RBFOX1: variants seen among roughly 807,000 people sequenced by gnomAD.
RBFOX1 encodes the protein RNA binding protein fox-1 homolog 1.
Under a neutral mutation model 57.7 loss-of-function variants are expected in RBFOX1, and 8 were observed. The ratio of observed to expected loss-of-function variants is 0.14; its 90% CI spans 0.08 to 0.25. The LOEUF (loss-of-function observed/expected upper bound fraction) is 0.25. Ranked by LOEUF, RBFOX1 falls within the 10% of genes least tolerant of loss-of-function variation. The pLI, the probability that RBFOX1 is intolerant of heterozygous loss-of-function variation, is 1.00. For missense variants in RBFOX1, 611 were observed against 548.5 expected, an observed-to-expected ratio of 1.11 and a Z score of -1.14; for synonymous variants, 326 against 222.4, an observed-to-expected ratio of 1.47 and a Z score of -4.15.
At position 6,345,460 on chromosome 16, in the gene RBFOX1, G is replaced by C. The variant is rs554526270; in HGVS notation, c.-64+28403G>C. Among the ~76,000 whole-genome samples the C allele has an allele frequency of 9.5e-4, 145 of 152,298 alleles. 1 individual carries two copies. The highest frequency in any genetic ancestry group is 3.3e-3 in the African/African-American group (138 of 41,564). On this transcript the variant is annotated intron_variant, in intron 2 of 15. Coordinates refer to ENST00000550418, the MANE Select transcript of RBFOX1 (RefSeq NM_018723.4). ...ATGGCAGTGGTAAACCGACATGGCA[G>C]GCTGGTGTGCATGTCTAATGGAAAG... is the stretch of plus-strand genomic sequence containing the variant.
intron 3 of RBFOX1, among the ~76,000 whole-genome samples, chr16:6,722,422 G>A (rs1203394931): frequency 6.6e-6 from 1 of 152,198 alleles, no homozygotes; most frequent in Non-Finnish European, 1.5e-5. Context: ...ATTATTTGCA[G>A]AGCAGCTGGA....
intron 1 of RBFOX1, among the ~76,000 whole-genome samples, chr16:6,236,799 C>T (rs75694242): frequency 0.18 from 28,070 of 151,842 alleles, 3,080 homozygotes; most frequent in African/African-American, 0.31. Flanking sequence ...TATGTCCACA[C>T]GTTTTAAAAA....
intron 1 of RBFOX1, among the ~76,000 whole-genome samples, chr16:6,174,235 C>A (rs546415585): frequency 6.6e-6 from 1 of 152,122 alleles, no homozygotes; most frequent in South Asian, 2.1e-4. Flanking sequence ...GAGGCAAGAT[C>A]AATACCTCAT....
intron 3 of RBFOX1, among the ~76,000 whole-genome samples, chr16:5,701,385 G>A (rs2051042614): frequency 6.6e-6 from 1 of 152,172 alleles, no homozygotes; most frequent in Non-Finnish European, 1.5e-5. Flanking sequence ...AATATATTGT[G>A]ATGCCTCAAG....
chr16:6,476,341 G>C (rs2095271603), intron 2 of RBFOX1, among the ~76,000 whole-genome samples: 1 of 152,060 alleles, frequency 6.6e-6, no homozygotes, highest in South Asian at 2.1e-4. Context: ...CTTAAAGCAA[G>C]ACCTATAGAT....
intron 1 of RBFOX1, among the ~76,000 whole-genome samples, chr16:5,436,949 G>C (rs1378767210): frequency 6.6e-6 from 1 of 152,160 alleles, no homozygotes. Context: ...CATAGAGAGA[G>C]GTTTCCTGTC....
chr16:7,366,115 T>G (rs1477311958), intron 4 of RBFOX1, among the ~76,000 whole-genome samples: 2 of 151,400 alleles, frequency 1.3e-5, no homozygotes, highest in African/African-American at 4.9e-5. Flanking sequence ...CTGGGTCATG[T>G]GGCACAGACA....
intron 2 of RBFOX1, among the ~76,000 whole-genome samples, chr16:6,623,361 A>C (rs995637841): frequency 5.9e-5 from 9 of 152,086 alleles, no homozygotes; most frequent in African/African-American, 2.2e-4. Flanking sequence ...GTGAAACCCA[A>C]ATGACAGCTC....
intron 2 of RBFOX1, among the ~76,000 whole-genome samples, chr16:5,486,122 T>A (rs906430641): frequency 6.6e-6 from 1 of 152,202 alleles, no homozygotes; most frequent in Non-Finnish European, 1.5e-5. Context: ...AGTCATTCCT[T>A]AAAGTAATAA....
At chr16:7,225,460 A>G (rs1159116606) in intron 4 of RBFOX1, among the ~76,000 whole-genome samples, 1 of 151,942 alleles carries the variant, frequency 6.6e-6, no homozygotes, top group Non-Finnish European at 1.5e-5. Flanking sequence ...ACCTTCCACC[A>G]TGATTGTGAG....
chr16:5,646,876 G>A (rs1247898840), intron 3 of RBFOX1, among the ~76,000 whole-genome samples: 1 of 152,118 alleles, frequency 6.6e-6, no homozygotes, highest in African/African-American at 2.4e-5. Context: ...CTCATGATCT[G>A]CCTGCCTCAG....
At chr16:5,610,899 C>T (rs1190906554) in intron 3 of RBFOX1, among the ~76,000 whole-genome samples, 2 of 152,002 alleles carry the variant, frequency 1.3e-5, no homozygotes, top group Non-Finnish European at 2.9e-5. Context: ...AAATAAAAAT[C>T]AGATCCCTCT....
chr16:7,243,284 G>T (rs1270265843), intron 4 of RBFOX1, among the ~76,000 whole-genome samples: 1 of 152,048 alleles, frequency 6.6e-6, no homozygotes, highest in Non-Finnish European at 1.5e-5. Context: ...GCGTGGTCAG[G>T]GTGTGCCACG....
At chr16:6,128,713 A>G (rs1300235185) in intron 1 of RBFOX1, among the ~76,000 whole-genome samples, 1 of 152,180 alleles carries the variant, frequency 6.6e-6, no homozygotes, top group East Asian at 1.9e-4. Context: ...CTGACTATCC[A>G]TGTCCAGGGT....
At chr16:7,559,305 CT>C (rs1191706009) in intron 5 of RBFOX1, among the ~76,000 whole-genome samples, 10 of 145,576 alleles carry the variant, frequency 6.9e-5, no homozygotes, top group Admixed American at 5.9e-4. Flanking sequence ...CATTATACAT[CT>C]CTTTCTCTCA....
In RBFOX1 at chr16:6,836,672, T is replaced by G. The variant is rs561608010; in HGVS notation, c.-16+182022T>G. Among the ~76,000 whole-genome samples the G allele has an allele frequency of 4.8e-4, 73 of 152,346 alleles. No homozygotes were observed. The South Asian group carries it at 0.015, about 31-fold the overall frequency. ...TTCGGGGGTGACAGTTCCTTTCTTA[T>G]GCCCCTAATTTATCCTGTGTGGACT... On this transcript the variant is annotated intron_variant, in intron 3 of 15. Coordinates refer to ENST00000550418, the MANE Select transcript of RBFOX1 (RefSeq NM_018723.4).
intron 4 of RBFOX1, among the ~76,000 whole-genome samples, chr16:7,454,557 C>A (rs1468804635): frequency 6.6e-6 from 1 of 152,140 alleles, no homozygotes; most frequent in South Asian, 2.1e-4. Flanking sequence ...ACTGAAGCCA[C>A]CTGTTGGGTT....
chr16:7,082,568 A>C (rs1031396219), intron 4 of RBFOX1, among the ~76,000 whole-genome samples: 5 of 152,098 alleles, frequency 3.3e-5, no homozygotes, highest in African/African-American at 1.2e-4. Context: ...TCTCAAAAAA[A>C]AAAAAATAAA....
chr16:7,071,867 A>G (rs1343848825), intron 4 of RBFOX1, among the ~76,000 whole-genome samples: 1 of 151,982 alleles, frequency 6.6e-6, no homozygotes, highest in African/African-American at 2.4e-5. Flanking sequence ...GTCTTTTTAC[A>G]ACAGCTCCTA....
Sources: gnomAD v4.1 joint callset for allele counts (sites outside exome capture counted in the v4.1 genomes callset) on GRCh38, gnomAD v4.1.1 for gene constraint, MANE v1.5 for transcripts, NCBI Gene and HGNC (gene_info 2026-07-23, HGNC 2026-07-21) for gene names.